The following RANBP2 variants were observed in gnomAD, a reference collection of about 807,000 sequenced individuals.
RANBP2 encodes the protein E3 SUMO-protein ligase RanBP2.
RANBP2 carries 57 observed loss-of-function variants against 303.6 expected under a neutral mutation model. The ratio of observed to expected loss-of-function variants is 0.19; its 90% confidence interval spans 0.15 to 0.23. The LOEUF is 0.23. RANBP2 is among the 10% of genes least tolerant of loss of function. The pLI, the probability that RANBP2 is intolerant of heterozygous loss-of-function variation, is 1.00. For synonymous variants in RANBP2, 1,167 were observed against 1,301.5 expected (o/e 0.90, Z 2.23); for missense variants, 3,138 against 3,780.8 (o/e 0.83, Z 4.46).
the RANBP2 span, among the ~76,000 whole-genome samples, chr2:109,395,152 A>G: frequency 6.6e-6 from 1 of 152,240 alleles, no homozygotes; most frequent in East Asian, 1.9e-4. Context: ...GGGACTCCGC[A>G]GGCAGGCCAG....
the RANBP2 span, among the ~76,000 whole-genome samples, chr2:109,224,827 A>G: frequency 3.3e-5 from 5 of 152,204 alleles, no homozygotes; most frequent in African/African-American, 1.2e-4. Context: ...ACTGCAGTCC[A>G]GCCTGGGTGA....
the RANBP2 span, among the ~76,000 whole-genome samples, chr2:109,650,907 GA>G: frequency 6.6e-6 from 1 of 152,064 alleles, no homozygotes; most frequent in Non-Finnish European, 1.5e-5. Context: ...GGACTAATAC[GA>G]CAACCTAGCA....
chr2:108,969,981 C>T, the RANBP2 span, among the ~76,000 whole-genome samples: 15,592 of 152,210 alleles, frequency 0.1, 1,806 homozygotes, highest in African/African-American at 0.29. Context: ...GGGGAAATTG[C>T]TAATGGAGGG....
At chr2:109,091,078 T>G in the RANBP2 span, among the ~76,000 whole-genome samples, 2 of 151,922 alleles carry the variant, frequency 1.3e-5, no homozygotes, top group African/African-American at 4.8e-5. Context: ...AATAAAAAAG[T>G]AAAATAGTCA....
At chr2:109,090,602 G>A in the RANBP2 span, among the ~76,000 whole-genome samples, 17 of 151,782 alleles carry the variant, frequency 1.1e-4, no homozygotes, top group Admixed American at 1.1e-3. Flanking sequence ...GCACGAAGGG[G>A]GCCTCATTTT....
At position 108,733,672 on chromosome 2, in the gene RANBP2, C is replaced by T. The variant is rs1172544648; in HGVS notation, c.406-1860C>T. Among the ~76,000 whole-genome samples the T allele has an allele frequency of 7.9e-5, 12 of 152,294 alleles. No individual in the cohort carries two copies. The East Asian group carries it at 1.4e-3, about 17-fold the overall frequency. On this transcript the variant is annotated intron_variant, in intron 4 of 28. Coordinates refer to ENST00000283195, the MANE Select transcript of RANBP2 (RefSeq NM_006267.5). ...ACTCTCTTAGGTGTTATGCCTCAAA[C>T]ATAACTCCCATATTGGGCGTGGCAA...
the RANBP2 span, among the ~76,000 whole-genome samples, chr2:109,169,808 C>T: frequency 6.6e-6 from 1 of 152,068 alleles, no homozygotes; most frequent in Non-Finnish European, 1.5e-5. Flanking sequence ...ATAGATTACT[C>T]AGAAAAAGAT....
At chr2:109,224,279 C>A in the RANBP2 span, among the ~76,000 whole-genome samples, 1 of 152,144 alleles carries the variant, frequency 6.6e-6, no homozygotes, top group Non-Finnish European at 1.5e-5. Context: ...TAAAATAAGA[C>A]TTGTTTGGTA....
At chr2:109,666,105 G>T in the RANBP2 span, among the ~76,000 whole-genome samples, 1 of 147,278 alleles carries the variant, frequency 6.8e-6, no homozygotes, top group African/African-American at 2.5e-5. Flanking sequence ...GACAGATTCT[G>T]TCACAAAACA....
chr2:109,445,170 A>T, the RANBP2 span, among the ~76,000 whole-genome samples: 1,983 of 152,328 alleles, frequency 0.013, 52 homozygotes, highest in African/African-American at 0.046. Context: ...TGTGAAAGAG[A>T]TGTATAAACA....
At chr2:109,388,125 G>A in the RANBP2 span, among the ~76,000 whole-genome samples, 8 of 152,216 alleles carry the variant, frequency 5.3e-5, no homozygotes, top group South Asian at 2.1e-4. Context: ...GCCTGCCCAC[G>A]CCTCTCCATG....
the RANBP2 span, among the ~76,000 whole-genome samples, chr2:108,920,618 A>T: frequency 6.6e-6 from 1 of 152,206 alleles, no homozygotes; most frequent in East Asian, 1.9e-4. Flanking sequence ...CAAGGTGACA[A>T]CCAACCCACA....
the RANBP2 span, among the ~76,000 whole-genome samples, chr2:109,139,677 G>A: frequency 2.6e-5 from 4 of 152,168 alleles, no homozygotes; most frequent in South Asian, 2.1e-4. Flanking sequence ...TAAAGTTGTT[G>A]TCCCCAGCAT....
the RANBP2 span, among the ~76,000 whole-genome samples, chr2:109,099,072 C>T: frequency 6.6e-6 from 1 of 152,256 alleles, no homozygotes; most frequent in African/African-American, 2.4e-5. Flanking sequence ...AATAAGCAGG[C>T]ACTTTGAGAA....
At chr2:109,558,086 C>T in the RANBP2 span, among the ~76,000 whole-genome samples, 1 of 152,156 alleles carries the variant, frequency 6.6e-6, no homozygotes, top group Non-Finnish European at 1.5e-5. Flanking sequence ...ACGACTGCAC[C>T]TGGCCTGACA....
chr2:109,411,725 C>T, the RANBP2 span, among the ~76,000 whole-genome samples: 8 of 152,174 alleles, frequency 5.3e-5, no homozygotes, highest in East Asian at 1.9e-4. Flanking sequence ...CTAGGAAGGC[C>T]GGCCACACGG....
chr2:108,970,151 G>A, the RANBP2 span, among the ~76,000 whole-genome samples: 2 of 152,104 alleles, frequency 1.3e-5, no homozygotes, highest in Non-Finnish European at 2.9e-5. Context: ...GCACTGAGAG[G>A]GGAGCATCGC....
chr2:108,883,884 GACTC>G, the RANBP2 span: 6 of 152,170 alleles, frequency 3.9e-5, no homozygotes, highest in African/African-American at 1.4e-4. Flanking sequence ...GAGCAGGACT[GACTC>G]ACTAGCATCA....
At chr2:108,830,107 A>G in the RANBP2 span, among the ~76,000 whole-genome samples, 2 of 152,218 alleles carry the variant, frequency 1.3e-5, no homozygotes, top group African/African-American at 4.8e-5. Flanking sequence ...GACACATGCT[A>G]CAGCATGAAT....
Sources: allele counts gnomAD v4.1 joint callset (sites outside exome capture counted in the v4.1 genomes callset), GRCh38; gene constraint gnomAD v4.1.1; transcripts MANE v1.5; gene names NCBI Gene and HGNC (gene_info 2026-07-23, HGNC 2026-07-21).